The following CXorf58 variants were observed in gnomAD, a reference collection of about 807,000 sequenced individuals.
CXorf58 encodes chromosome X open reading frame 58.
In CXorf58, 24 loss-of-function variants were observed where a neutral mutation model predicts 26.0. The observed-to-expected ratio is 0.92, with a 90% CI of 0.67 to 1.30. The LOEUF is 1.30. Ranked by LOEUF, CXorf58 falls within the 50% of genes most tolerant of loss-of-function variation. The pLI is 0.00. For synonymous variants in CXorf58, 87 were observed against 86.1 expected, an observed-to-expected ratio of 1.01 and a Z score of -0.06; for missense variants, 236 against 263.9, an observed-to-expected ratio of 0.89 and a Z score of 0.73.
chrX:23,936,714 A>AT (rs762029663), intron 7 of CXorf58, among the ~76,000 whole-genome samples: 3 of 111,530 alleles, frequency 2.7e-5, no homozygotes, highest in African/African-American at 9.7e-5. Context: ...CATGCTGGGG[A>AT]TTTTTTTTCA....
chrX:23,911,692 A>G (rs1927582645), intron 2 of CXorf58, 65 bp from the exon 3 acceptor site: 20 of 722,672 alleles, frequency 2.8e-5, no homozygotes, highest in Non-Finnish European at 4.2e-5. Context: ...ATAAATTGAT[A>G]GTTCTCTAAG....
intron 6 of CXorf58, among the ~76,000 whole-genome samples, chrX:23,928,843 A>G (rs771133260): frequency 9.0e-6 from 1 of 111,348 alleles, no homozygotes; most frequent in East Asian, 2.8e-4. Flanking sequence ...AATTAGGCCA[A>G]TTAATAATCC....
intron 5 of CXorf58, among the ~76,000 whole-genome samples, chrX:23,924,329 T>G (rs868592997): frequency 9.9e-6 from 1 of 101,112 alleles, no homozygotes. Flanking sequence ...TTTATTTATT[T>G]ATTTATTTAT....
At chrX:23,913,780 G>A (rs1927647319) in intron 3 of CXorf58, among the ~76,000 whole-genome samples, 1 of 109,470 alleles carries the variant, frequency 9.1e-6, no homozygotes, top group Non-Finnish European at 1.9e-5. Flanking sequence ...GGTGGTGTGC[G>A]CCTGTAATCC....
At chrX:23,937,958 T>C (rs111584757) in intron 7 of CXorf58, among the ~76,000 whole-genome samples, 32 of 109,000 alleles carry the variant, frequency 2.9e-4, no homozygotes, top group African/African-American at 1.0e-3. Flanking sequence ...CAATCTTGGC[T>C]CACTGCAAAG....
chrX:23,935,365 TAC>T lies in CXorf58; in HGVS notation c.727_728del (p.Gln243GlufsTer9), dbSNP rs766946956. 8.3e-7 allele frequency: 1 copy of T among 1,209,143 alleles called. No individual in the cohort carries two copies. The highest frequency in any genetic ancestry group is 1.7e-5 in the African/African-American group (1 of 57,223). On this transcript the variant is annotated frameshift_variant, in exon 7 of 9. Transcript: ENST00000379211. LOFTEE classifies it high-confidence loss of function. Reference sequence around the variant, plus strand: ...CTACGAAATGAAATGAAGTTTCTGTTACAGAGACCAGTAACGCAAGAGATCCA... The same window carrying T: ...CTACGAAATGAAATGAAGTTTCTGTTAGAGACCAGTAACGCAAGAGATCCA...
chrX:23,915,643 T>C, intron 3 of CXorf58, 57 bp from the exon 4 acceptor site: 1 of 706,364 alleles, frequency 1.4e-6, no homozygotes, highest in Non-Finnish European at 2.2e-6. Flanking sequence ...TTATAGTCCA[T>C]AAATTGTGTC....
chrX:23,909,684 C>A (rs1200766695), intron 1 of CXorf58, among the ~76,000 whole-genome samples: 1 of 111,313 alleles, frequency 9.0e-6, no homozygotes, highest in Non-Finnish European at 1.9e-5. Flanking sequence ...AATTTGGGAG[C>A]TGCATCCAAA....
Position 23,915,011 on chromosome X carries a change from G to A in CXorf58, c.217-689G>A, listed in dbSNP as rs768023957. Among the ~76,000 whole-genome samples, 6 of 110,462 alleles carry A rather than the reference G, an allele frequency of 5.4e-5. No homozygotes were observed. The South Asian group carries it at 2.0e-3, about 36-fold the overall frequency. ...TAGCCGGGCGTGGTGGCAGGTGCCTGTAGTCCCAGCTACTCGGGAGGCTGA... is the reference window on the plus strand; with the variant it reads ...TAGCCGGGCGTGGTGGCAGGTGCCTATAGTCCCAGCTACTCGGGAGGCTGA... On this transcript the variant is annotated intron_variant, in intron 3 of 8. Transcript: ENST00000379211.
intron 6 of CXorf58, among the ~76,000 whole-genome samples, chrX:23,934,610 A>G (rs1928245885): frequency 9.0e-6 from 1 of 111,303 alleles, no homozygotes; most frequent in African/African-American, 3.3e-5. Flanking sequence ...TCTAGGGTAC[A>G]TGTGCACAAC....
intron 3 of CXorf58, among the ~76,000 whole-genome samples, chrX:23,912,192 C>G (rs1298467768): frequency 2.7e-5 from 3 of 111,043 alleles, no homozygotes; most frequent in Non-Finnish European, 5.7e-5. Flanking sequence ...ACCTCGTGAT[C>G]TGCCTGCCTT....
chrX:23,930,852 C>G (rs1323822369), intron 6 of CXorf58, among the ~76,000 whole-genome samples: 2 of 111,810 alleles, frequency 1.8e-5, no homozygotes, highest in Non-Finnish European at 3.8e-5. Flanking sequence ...GCTCTTCCTC[C>G]GTAAGTTCTG....
chrX:23,932,943 C>A (rs919682739), intron 6 of CXorf58, among the ~76,000 whole-genome samples: 1 of 110,450 alleles, frequency 9.1e-6, no homozygotes, highest in South Asian at 3.8e-4. Flanking sequence ...TGCAGTGAGC[C>A]GAGATTGCGC....
chrX:23,929,378 T>C (rs1188624653), intron 6 of CXorf58, among the ~76,000 whole-genome samples: 3 of 95,215 alleles, frequency 3.2e-5, no homozygotes, highest in African/African-American at 1.2e-4. Context: ...TGCACTCCAG[T>C]CTGGGCAATA....
At chrX:23,907,952 A>C (rs1927452349), upstream of CXorf58, 4 of 325,463 alleles carry the variant, frequency 1.2e-5, no homozygotes, top group Non-Finnish European at 2.1e-5. Flanking sequence ...GCCCTCCAGG[A>C]GGCTCCGCCC....
Position 23,927,301 on chromosome X carries a change from T to G in CXorf58, c.486T>G (p.Asp162Glu). ...ERKFHRIIME[D>E]ERIFPKSKVT... is the part of the protein sequence containing the mutation. ...AATTTCACCGTATAATTATGGAAGA[T>G]GAACGTATTTTCCCGAAGTCCAAAG... Residue 162 changes from aspartate (D) to glutamate (E), a missense_variant, in exon 6 of 9, where the codon GAT (aspartate) becomes GAG (glutamate). Coordinates refer to ENST00000379211, the MANE Select transcript of CXorf58 (RefSeq NM_152761.3). The G allele has an allele frequency of 8.6e-7, 1 of 1,168,952 alleles. No individual in the cohort carries two copies. The highest frequency in any genetic ancestry group is 1.2e-6 in the Non-Finnish European group (1 of 864,123).
chrX:23,938,645 T>C lies in CXorf58; in HGVS notation c.884T>C (p.Val295Ala), dbSNP rs1403179050. The change falls in exon 8 of 9, where the codon GTT becomes GCT. Residue 295 changes from valine to alanine, a missense_variant. Coordinates refer to ENST00000379211, the MANE Select transcript of CXorf58 (RefSeq NM_152761.3). ...GRRSKQAQMK[V>A]EKMRKVYLAK... The stretch of plus-strand genomic sequence containing the variant: ...CGATCCAAGCAAGCTCAAATGAAAG[T>C]TGAAAAAATGAGAAAAGTTTATTTG... 1 of 1,190,875 alleles carries C rather than the reference T, an allele frequency of 8.4e-7. No homozygotes were observed. Among genetic ancestry groups the C allele is most frequent in the Middle Eastern group, 2.4e-4 (1 of 4,246 alleles).
intron 3 of CXorf58, among the ~76,000 whole-genome samples, chrX:23,912,103 C>T (rs1208893506): frequency 9.0e-6 from 1 of 110,607 alleles, no homozygotes; most frequent in Non-Finnish European, 1.9e-5. Context: ...AGGCACCTGT[C>T]ACCATGCCTG....
chrX:23,923,255 T>A (rs1185472645), intron 5 of CXorf58, among the ~76,000 whole-genome samples: 1 of 111,172 alleles, frequency 9.0e-6, no homozygotes, highest in Non-Finnish European at 1.9e-5. Flanking sequence ...TTTCTTTGGC[T>A]GAGGGACCAG....
Sources: allele counts gnomAD v4.1 joint callset (sites outside exome capture counted in the v4.1 genomes callset), GRCh38; gene constraint gnomAD v4.1.1; transcripts MANE v1.5; gene names NCBI Gene and HGNC (gene_info 2026-07-23, HGNC 2026-07-21).